NPAS3: variants seen among roughly 807,000 people sequenced by gnomAD.
The protein encoded by NPAS3 is neuronal PAS domain protein 3.
In NPAS3, 14 loss-of-function variants were observed where a neutral mutation model predicts 73.1. That is an observed-to-expected ratio of 0.19 (90% CI 0.13 to 0.30). The LOEUF is 0.30. Ranked by LOEUF, NPAS3 falls within the 10% of genes least tolerant of loss-of-function variation. The pLI is 1.00. For synonymous variants in NPAS3, 620 were observed against 541.5 expected, an observed-to-expected ratio of 1.14 and a Z score of -2.01; for missense variants, 1,096 against 1,250.0, an observed-to-expected ratio of 0.88 and a Z score of 1.86.
At chr14:33,164,349 T>C (rs965078621) in intron 2 of NPAS3, among the ~76,000 whole-genome samples, 1 of 152,200 alleles carries the variant, frequency 6.6e-6, no homozygotes, top group African/African-American at 2.4e-5. Flanking sequence ...AATTGAGAAC[T>C]TAAGTGTCTC....
intron 1 of NPAS3, among the ~76,000 whole-genome samples, chr14:32,961,644 A>C (rs896504474): frequency 6.6e-6 from 1 of 152,040 alleles, no homozygotes; most frequent in Non-Finnish European, 1.5e-5. Flanking sequence ...CATTCTCATC[A>C]TCCTTGTCAC....
chr14:33,085,686 T>C (rs2042001329), intron 2 of NPAS3, among the ~76,000 whole-genome samples: 1 of 152,330 alleles, frequency 6.6e-6, no homozygotes, highest in East Asian at 1.9e-4. Flanking sequence ...CATGCCGTTT[T>C]TCTTGTGAAA....
intron 3 of NPAS3, among the ~76,000 whole-genome samples, chr14:33,304,509 T>C (rs1338813101): frequency 1.3e-5 from 2 of 151,670 alleles, no homozygotes; most frequent in Non-Finnish European, 2.9e-5. Context: ...AGCCTGGAGT[T>C]TTATCTGTCC....
intron 5 of NPAS3, among the ~76,000 whole-genome samples, chr14:33,632,377 C>G (rs2058402698): frequency 1.3e-5 from 2 of 152,106 alleles, no homozygotes; most frequent in South Asian, 4.1e-4. Context: ...GGTCTTCAGA[C>G]TATAATTTTT....
At chr14:33,026,586 A>G (rs548659094) in intron 1 of NPAS3, among the ~76,000 whole-genome samples, 4 of 150,256 alleles carry the variant, frequency 2.7e-5, no homozygotes, top group Admixed American at 1.3e-4. Flanking sequence ...CTGGTTTCTC[A>G]TATTTTATGG....
At chr14:33,549,497 G>A (rs1248518434) in intron 4 of NPAS3, among the ~76,000 whole-genome samples, 2 of 152,090 alleles carry the variant, frequency 1.3e-5, no homozygotes, top group Non-Finnish European at 2.9e-5. Flanking sequence ...GCCTTCTAAT[G>A]TGCTAGGATT....
At chr14:33,652,048 A>T (rs1458540929) in intron 5 of NPAS3, among the ~76,000 whole-genome samples, 1 of 152,170 alleles carries the variant, frequency 6.6e-6, no homozygotes, top group East Asian at 1.9e-4. Flanking sequence ...ATTTTTGACA[A>T]ATACGGTTAA....
chr14:33,086,450 G>A, intron 2 of NPAS3, among the ~76,000 whole-genome samples: 1 of 151,970 alleles, frequency 6.6e-6, no homozygotes, highest in South Asian at 2.1e-4. Flanking sequence ...TTTTAAAAAA[G>A]GGTCACAGTA....
At chr14:32,959,529 T>C (rs1352746835) in intron 1 of NPAS3, among the ~76,000 whole-genome samples, 3 of 152,228 alleles carry the variant, frequency 2.0e-5, no homozygotes, top group Admixed American at 6.5e-5. Flanking sequence ...TTTGATTTTA[T>C]TTTATTTTTG....
At chr14:32,940,566 A>G (rs1285072683) in intron 1 of NPAS3, among the ~76,000 whole-genome samples, 3 of 152,242 alleles carry the variant, frequency 2.0e-5, no homozygotes, top group Non-Finnish European at 4.4e-5. Context: ...CATGAGGAAA[A>G]CAAATACAGT....
rs900049781 is a variant in NPAS3 at position 33,431,437 on chromosome 14, CTTTGT to C, written c.468+64173_468+64177del. Among the ~76,000 whole-genome samples, 65 of 151,992 alleles carry C rather than the reference CTTTGT, an allele frequency of 4.3e-4. 1 individual carries two copies. Among genetic ancestry groups the C allele is most frequent in the Non-Finnish European group, 2.9e-4 (20 of 67,950 alleles). On this transcript the variant is annotated intron_variant, in intron 4 of 11. Coordinates refer to ENST00000356141, the Ensembl canonical transcript of NPAS3. ...GTTCACTTAAAGGCCATTAAACATT[CTTTGT>C]TTTATTTCATGCTATTTGAATATTG...
intron 6 of NPAS3, among the ~76,000 whole-genome samples, chr14:33,690,450 C>G (rs1450660448): frequency 1.3e-5 from 2 of 152,082 alleles, no homozygotes. Context: ...TAGTCACTGC[C>G]AACCTGGACA....
At chr14:33,414,891 G>C (rs2048084620) in intron 4 of NPAS3, among the ~76,000 whole-genome samples, 1 of 152,050 alleles carries the variant, frequency 6.6e-6, no homozygotes, top group South Asian at 2.1e-4. Context: ...TATGAAAGTT[G>C]TGGAATTCTA....
intron 1 of NPAS3, among the ~76,000 whole-genome samples, chr14:33,006,355 C>A (rs552016192): frequency 9.5e-4 from 145 of 152,218 alleles, no homozygotes; most frequent in Middle Eastern, 3.4e-3. Flanking sequence ...CTGTCCTGGG[C>A]AAACTGGATC....
chr14:33,650,407 G>T (rs779633218), intron 5 of NPAS3, among the ~76,000 whole-genome samples: 3 of 151,934 alleles, frequency 2.0e-5, no homozygotes, highest in African/African-American at 7.3e-5. Context: ...TGTAGCTAGA[G>T]ACATCCCTCA....
At chr14:33,172,578 A>G (rs1191353504) in intron 2 of NPAS3, among the ~76,000 whole-genome samples, 1 of 152,120 alleles carries the variant, frequency 6.6e-6, no homozygotes, top group Non-Finnish European at 1.5e-5. Context: ...TCTACAAAAA[A>G]TAAAAAAATT....
intron 3 of NPAS3, among the ~76,000 whole-genome samples, chr14:33,320,921 G>C (rs1337642993): frequency 6.6e-6 from 1 of 152,156 alleles, no homozygotes; most frequent in African/African-American, 2.4e-5. Flanking sequence ...TTGAGTTCAA[G>C]ACAGGCTAGA....
At chr14:33,519,628 C>G (rs1271070814) in intron 4 of NPAS3, among the ~76,000 whole-genome samples, 1 of 152,130 alleles carries the variant, frequency 6.6e-6, no homozygotes, top group African/African-American at 2.4e-5. Flanking sequence ...AGTACAGATA[C>G]ATGGCTTGTA....
chr14:33,378,456 C>T (rs1214245572), intron 4 of NPAS3, among the ~76,000 whole-genome samples: 2 of 151,910 alleles, frequency 1.3e-5, no homozygotes, highest in Non-Finnish European at 2.9e-5. Context: ...ACCAACATGG[C>T]GAAACCCTAT....
Sources: gnomAD v4.1 joint callset for allele counts (sites outside exome capture counted in the v4.1 genomes callset) on GRCh38, gnomAD v4.1.1 for gene constraint, MANE v1.5 for transcripts, NCBI Gene and HGNC (gene_info 2026-07-23, HGNC 2026-07-21) for gene names.